TCF7: variants seen among roughly 807,000 people sequenced by gnomAD.
TCF7 encodes T-cell-factor-7.
Under a neutral mutation model 46.8 loss-of-function variants are expected in TCF7, and 19 were observed. The observed-to-expected ratio is 0.41, with a 90% CI of 0.28 to 0.60. TCF7 has a LOEUF of 0.60. TCF7 is among the 20% of genes least tolerant of loss of function. The pLI is 0.35. For missense variants in TCF7, 547 were observed against 504.6 expected, an observed-to-expected ratio of 1.08 and a Z score of -0.81; for synonymous variants, 245 against 213.4, an observed-to-expected ratio of 1.15 and a Z score of -1.29.
At position 134,140,436 on chromosome 5, in the gene TCF7, G is replaced by C. The variant is rs777679521; in HGVS notation, c.635+1398G>C. 2.9e-5 allele frequency: 6 copies of C among 203,440 alleles called. No individual in the cohort carries two copies. In the South Asian group the frequency reaches 4.0e-4, roughly 14 times the overall value. 12.6% of individuals were successfully genotyped at this position (203,440 alleles called of 1,614,324 possible). ...TCACTTAGCTAAGGAAGACCTGAAG[G>C]ATGACCAGGAATTGAAGCAGGCAAA... On this transcript the variant is annotated intron_variant, in intron 5 of 9. Transcript: ENST00000342854.
At chr5:134,132,693 A>G (rs1430870289) in intron 3 of TCF7, among the ~76,000 whole-genome samples, 1 of 148,354 alleles carries the variant, frequency 6.7e-6, no homozygotes, top group Non-Finnish European at 1.5e-5. Context: ...CTACAGGGAA[A>G]ATGCCGACTG....
rs575497884 is a variant in TCF7 at position 134,115,836 on chromosome 5, C to T, written c.317-73C>T. On this transcript the variant is annotated intron_variant, in intron 2 of 9. Transcript: ENST00000342854. ...GGGACCCCTTGGCAATTCTTTTTCT[C>T]TCAAGAGCAGACAGCCTTCAGTCCC... 224 of 1,603,018 alleles carry T rather than the reference C, an allele frequency of 1.4e-4. No homozygotes were observed. In the African/African-American group the frequency reaches 2.8e-3, roughly 20 times the overall value.
intron 8 of TCF7, 30 bp downstream of exon 8, chr5:134,143,130 G>T: frequency 6.3e-7 from 1 of 1,574,994 alleles, no homozygotes; most frequent in Non-Finnish European, 8.6e-7. Flanking sequence ...CAGCAGGGGT[G>T]GGCAGGGGAC....
At chr5:134,121,343 G>T (rs1217400528) in intron 3 of TCF7, among the ~76,000 whole-genome samples, 1 of 151,888 alleles carries the variant, frequency 6.6e-6, no homozygotes, top group Non-Finnish European at 1.5e-5. Flanking sequence ...CAGCGCTTTG[G>T]GAGGCCAAGG....
At position 134,115,857 on chromosome 5, in the gene TCF7, G is replaced by C. The variant is rs1755741478; in HGVS notation, c.317-52G>C. On this transcript the variant is annotated intron_variant, in intron 2 of 9. Transcript: ENST00000342854. ...TTCTCTCAAGAGCAGACAGCCTTCA[G>C]TCCCAGCCGCTGCCAGGGCTGGTGT... is the stretch of plus-strand genomic sequence containing the variant. 9.9e-6 allele frequency: 16 copies of C among 1,612,070 alleles called. No individual in the cohort carries two copies. The South Asian group carries it at 1.8e-4, about 18-fold the overall frequency.
At chr5:134,137,008 G>A (rs1258481008) in intron 3 of TCF7, among the ~76,000 whole-genome samples, 1 of 152,264 alleles carries the variant, frequency 6.6e-6, no homozygotes, top group Non-Finnish European at 1.5e-5. Flanking sequence ...GATGTGCACT[G>A]AGGATACTGT....
At chr5:134,115,466 G>C in intron 2 of TCF7, 79 bp downstream of exon 2, 1 of 1,524,182 alleles carries the variant, frequency 6.6e-7, no homozygotes, top group South Asian at 1.2e-5. Flanking sequence ...CAAGGACCGC[G>C]GGGAGCCGGG....
intron 5 of TCF7, 158 bp downstream of exon 5, chr5:134,139,196 C>G (rs1163142857): frequency 8.4e-7 from 1 of 1,193,316 alleles, no homozygotes; most frequent in Non-Finnish European, 1.1e-6. Flanking sequence ...TAACCTGGCT[C>G]TGAGCTAGGG....
At chr5:134,143,961 T>C in intron 9 of TCF7, 1 of 310,400 alleles carries the variant, frequency 3.2e-6, no homozygotes, top group Non-Finnish European at 6.1e-6. Context: ...CTGTATGGTT[T>C]GATGCTTAGC....
At chr5:134,125,416 G>A (rs1346151334) in intron 3 of TCF7, among the ~76,000 whole-genome samples, 2 of 152,172 alleles carry the variant, frequency 1.3e-5, no homozygotes, top group African/African-American at 2.4e-5. Context: ...CCTTGCCAGG[G>A]AGCCCCGACT....
rs1240925539 is a variant in TCF7, at chr5:134,114,882, C to G, written c.-25C>G. ...CCCGCACTCCCGGCGCCCAGCGCCCCGCGCCCCGGCGGGCGGAGCGCACCA... is the reference window on the plus strand; with the variant it reads ...CCCGCACTCCCGGCGCCCAGCGCCCGGCGCCCCGGCGGGCGGAGCGCACCA... On this transcript the variant is annotated 5_prime_UTR_variant, in exon 1 of 10. Transcript: ENST00000342854. 5.1e-6 allele frequency: 5 copies of G among 988,688 alleles called. No individual in the cohort carries two copies. The highest frequency in any genetic ancestry group is 6.0e-6 in the Non-Finnish European group (5 of 833,620). The allele number at this position is 988,688 out of a possible 1,614,324, so 61.2% of individuals were successfully genotyped here.
chr5:134,108,220 C>T, the TCF7 span, among the ~76,000 whole-genome samples: 77 of 151,358 alleles, frequency 5.1e-4, no homozygotes, highest in East Asian at 3.1e-3. Flanking sequence ...ACTGGAAACC[C>T]GTCCGTCCCC....
At chr5:134,131,931 A>G (rs990843687) in intron 3 of TCF7, among the ~76,000 whole-genome samples, 5 of 152,252 alleles carry the variant, frequency 3.3e-5, no homozygotes, top group Non-Finnish European at 4.4e-5. Context: ...CCTTGGGGTC[A>G]TGCTCAACTA....
intron 5 of TCF7, 174 bp from the exon 6 acceptor site, chr5:134,142,011 G>A: frequency 1.2e-6 from 1 of 816,178 alleles, no homozygotes; most frequent in South Asian, 2.2e-5. Flanking sequence ...TGTGTAGTGT[G>A]CTGGGAGCAG....
chr5:134,141,955 T>C, intron 5 of TCF7: 1 of 475,664 alleles, frequency 2.1e-6, no homozygotes, highest in Non-Finnish European at 3.6e-6. Context: ...GGGACCTATG[T>C]AGTAACCATC....
At chr5:134,115,493 G>C in intron 2 of TCF7, 106 bp downstream of exon 2, 1 of 1,494,600 alleles carries the variant, frequency 6.7e-7, no homozygotes, top group East Asian at 2.6e-5. Context: ...CCCCACCGCA[G>C]CTCAGGAGGC....
upstream of TCF7, among the ~76,000 whole-genome samples, chr5:134,113,235 A>T (rs1291660500): frequency 6.6e-6 from 1 of 152,254 alleles, no homozygotes; most frequent in Admixed American, 6.5e-5. Flanking sequence ...CACCAAGCTG[A>T]GCACTCGTGC....
intron 9 of TCF7, 35 bp from the exon 10 acceptor site, chr5:134,146,189 C>T: frequency 6.2e-7 from 1 of 1,614,126 alleles, no homozygotes; most frequent in Non-Finnish European, 8.5e-7. Flanking sequence ...TGAATTCACC[C>T]TCTGTTTACA....
chr5:134,139,563 C>T (rs1181006197), intron 5 of TCF7: 2 of 153,970 alleles, frequency 1.3e-5, no homozygotes, highest in Admixed American at 1.3e-4. Context: ...GACCAGCCTG[C>T]TTGGAGATTC....
Sources: gnomAD v4.1 joint callset for allele counts (sites outside exome capture counted in the v4.1 genomes callset) on GRCh38, gnomAD v4.1.1 for gene constraint, MANE v1.5 for transcripts, NCBI Gene and HGNC (gene_info 2026-07-23, HGNC 2026-07-21) for gene names.